Variants in GMDS observed in about 807,000 individuals in gnomAD.
The protein encoded by GMDS is GDP-mannose 4,6-dehydratase.
GMDS carries 20 observed loss-of-function variants against 49.9 expected under a neutral mutation model. The ratio of observed to expected loss-of-function variants is 0.40; its 90% CI spans 0.28 to 0.58. The LOEUF is 0.58. Among genes scored for constraint, GMDS ranks in the 20% least tolerant of loss-of-function variants. GMDS has a pLI of 0.42. For synonymous variants in GMDS, 177 were observed against 178.6 expected (o/e 0.99, Z 0.07); for missense variants, 362 against 481.4 (o/e 0.75, Z 2.32).
intron 1 of GMDS, among the ~76,000 whole-genome samples, chr6:2,199,622 C>T (rs1779417645): frequency 1.3e-5 from 2 of 152,196 alleles, no homozygotes; most frequent in Non-Finnish European, 2.9e-5. Flanking sequence ...TCCTCCTCTC[C>T]ATTTTCAGCT....
At chr6:1,910,176 A>G (rs940245831) in intron 7 of GMDS, among the ~76,000 whole-genome samples, 7 of 152,138 alleles carry the variant, frequency 4.6e-5, no homozygotes, top group Admixed American at 1.3e-4. Flanking sequence ...ATTTAAAATT[A>G]TATAACATAT....
At chr6:2,193,453 T>C (rs1422128966) in intron 1 of GMDS, among the ~76,000 whole-genome samples, 1 of 152,168 alleles carries the variant, frequency 6.6e-6, no homozygotes, top group East Asian at 1.9e-4. Flanking sequence ...GCAGGGATGC[T>C]CCCAAAGTGT....
chr6:2,235,163 G>C (rs1448759321), intron 1 of GMDS, among the ~76,000 whole-genome samples: 1 of 152,082 alleles, frequency 6.6e-6, no homozygotes, highest in East Asian at 1.9e-4. Context: ...GTGATGATAC[G>C]TGTACACAAA....
intron 6 of GMDS, among the ~76,000 whole-genome samples, chr6:1,936,966 C>CAAA (rs34542518): frequency 1.0e-5 from 1 of 97,236 alleles, no homozygotes; most frequent in Non-Finnish European, 2.2e-5. Flanking sequence ...GACTCTGTCT[C>CAAA]AAAAAAAAAA....
chr6:1,671,285 T>C (rs1435138965), intron 9 of GMDS, among the ~76,000 whole-genome samples: 1 of 152,170 alleles, frequency 6.6e-6, no homozygotes, highest in Non-Finnish European at 1.5e-5. Context: ...TGTTGGTGCA[T>C]GTGTTCAGGA....
chr6:2,174,123 A>G (rs72830173), intron 1 of GMDS, among the ~76,000 whole-genome samples: 27,881 of 152,182 alleles, frequency 0.18, 2,859 homozygotes, highest in Admixed American at 0.23. Flanking sequence ...CACTCATTCA[A>G]TAAATATGTA....
intron 4 of GMDS, among the ~76,000 whole-genome samples, chr6:1,999,061 C>T (rs2325757): frequency 0.97 from 148,036 of 152,166 alleles, 72,110 homozygotes; most frequent in Non-Finnish European, 1. Context: ...CGGTGGCTCA[C>T]GCCTGTAATC....
intron 4 of GMDS, among the ~76,000 whole-genome samples, chr6:2,027,398 A>G (rs374923154): frequency 6.6e-6 from 1 of 152,216 alleles, no homozygotes; most frequent in African/African-American, 2.4e-5. Context: ...TGAGTTTAGC[A>G]TGCTCAGAAA....
At chr6:2,124,539 C>T in intron 2 of GMDS, 148 bp downstream of exon 2, 1 of 702,424 alleles carries the variant, frequency 1.4e-6, no homozygotes, top group Non-Finnish European at 2.5e-6. Flanking sequence ...GGCTCACAAG[C>T]CCAAAGACAC....
chr6:1,641,390 GC>G (rs1763325389), intron 9 of GMDS, among the ~76,000 whole-genome samples: 2 of 152,244 alleles, frequency 1.3e-5, no homozygotes, highest in South Asian at 4.1e-4. Flanking sequence ...GAGCAGCACA[GC>G]CTGCGTCTCA....
intron 7 of GMDS, among the ~76,000 whole-genome samples, chr6:1,803,436 TAC>T (rs1281047262): frequency 6.6e-6 from 1 of 152,152 alleles, no homozygotes; most frequent in Non-Finnish European, 1.5e-5. Context: ...GTAGTTTAAT[TAC>T]AGTTTAATCT....
intron 8 of GMDS, among the ~76,000 whole-genome samples, chr6:1,734,796 G>A (rs1298992560): frequency 6.6e-6 from 1 of 152,220 alleles, no homozygotes; most frequent in African/African-American, 2.4e-5. Flanking sequence ...CTAGGAAGAT[G>A]AATTCAACAG....
At chr6:1,726,641 G>A (rs949136196) in intron 8 of GMDS, 129 bp from the exon 9 acceptor site, 7 of 649,958 alleles carry the variant, frequency 1.1e-5, no homozygotes, top group Non-Finnish European at 1.9e-5. Flanking sequence ...AGCAGCACAG[G>A]CTGATGCTCC....
intron 7 of GMDS, among the ~76,000 whole-genome samples, chr6:1,773,990 G>A (rs1230779960): frequency 6.6e-6 from 1 of 152,152 alleles, no homozygotes; most frequent in Non-Finnish European, 1.5e-5. Flanking sequence ...TTAATTTAAA[G>A]CACAGAAATG....
At chr6:1,880,527 A>T (rs894128734) in intron 7 of GMDS, among the ~76,000 whole-genome samples, 1 of 152,152 alleles carries the variant, frequency 6.6e-6, no homozygotes, top group Non-Finnish European at 1.5e-5. Context: ...ACTCTTGTTT[A>T]ACTCAACACT....
At position 1,836,257 on chromosome 6, in the gene GMDS, T is replaced by G. The variant is rs1032476290; in HGVS notation, c.772-93671A>C. Among the ~76,000 whole-genome samples the G allele has an allele frequency of 7.2e-5, 11 of 152,184 alleles. No homozygotes were observed. Among genetic ancestry groups the G allele is most frequent in the Admixed American group, 3.3e-4 (5 of 15,282 alleles). On this transcript the variant is annotated intron_variant, in intron 7 of 10. Coordinates refer to ENST00000380815, the MANE Select transcript of GMDS (RefSeq NM_001500.4). This position sits in a 1 kb window ranked among gnomAD's most constrained non-coding sequence, Gnocchi z 4.2. ...TTTAAAGTCTCTTTCCTGGTGGTTTTGCTGTGTAAATGAAAGAAAAACTCT... is the reference window on the plus strand; with the variant it reads ...TTTAAAGTCTCTTTCCTGGTGGTTTGGCTGTGTAAATGAAAGAAAAACTCT...
chr6:2,113,178 A>G (rs926099619), intron 4 of GMDS, among the ~76,000 whole-genome samples: 16 of 152,200 alleles, frequency 1.1e-4, no homozygotes, highest in African/African-American at 3.6e-4. Flanking sequence ...TACTGGTTCT[A>G]TTGACCTTCT....
chr6:2,118,202 G>A (rs1181952848), intron 2 of GMDS, among the ~76,000 whole-genome samples: 1 of 151,862 alleles, frequency 6.6e-6, no homozygotes, highest in Non-Finnish European at 1.5e-5. Flanking sequence ...GGGGGGTGGG[G>A]GGACAGTTGA....
intron 7 of GMDS, among the ~76,000 whole-genome samples, chr6:1,900,780 A>G (rs1361496067): frequency 6.6e-6 from 1 of 152,196 alleles, no homozygotes; most frequent in Non-Finnish European, 1.5e-5. Context: ...TTCAGTCTTC[A>G]TTTCCACATC....
Sources: gnomAD v4.1 joint callset for allele counts (sites outside exome capture counted in the v4.1 genomes callset) on GRCh38, gnomAD v4.1.1 for gene constraint, Gnocchi (gnomAD v3.1) non-coding constraint, MANE v1.5 for transcripts, NCBI Gene and HGNC (gene_info 2026-07-23, HGNC 2026-07-21) for gene names.